Variants in CNBD1 observed in about 807,000 individuals in gnomAD.
The protein encoded by CNBD1 is cyclic nucleotide binding domain containing 1, also known as cyclic nucleotide-binding domain-containing protein 1.
In CNBD1, 71 loss-of-function variants were observed where a neutral mutation model predicts 54.4. The ratio of observed to expected loss-of-function variants is 1.30; its 90% CI spans 1.08 to 1.59. CNBD1 has a LOEUF of 1.59. Among genes scored for constraint, CNBD1 ranks in the 40% most tolerant of loss-of-function variants. The probability of loss-of-function intolerance (pLI) is 0.00; values close to 1 mark genes in which losing one functional copy is unlikely to be tolerated. For missense variants in CNBD1, 659 were observed against 518.0 expected (o/e 1.27, Z -2.64); for synonymous variants, 182 against 170.7 (o/e 1.07, Z -0.51).
chr8:87,360,089 C>G (rs1323820229), intron 10 of CNBD1, among the ~76,000 whole-genome samples: 1 of 151,904 alleles, frequency 6.6e-6, no homozygotes, highest in Non-Finnish European at 1.5e-5. Context: ...TGTAAAGATT[C>G]AGTTCATCTT....
chr8:87,425,481 G>A (rs1408391946), intron 2 of CNBD1, among the ~76,000 whole-genome samples: 12 of 152,158 alleles, frequency 7.9e-5, no homozygotes, highest in Non-Finnish European at 1.5e-4. Flanking sequence ...TGATGGTGAC[G>A]TACAGATGGG....
intron 1 of CNBD1, among the ~76,000 whole-genome samples, chr8:86,886,950 T>C (rs1808689290): frequency 6.6e-6 from 1 of 152,172 alleles, no homozygotes; most frequent in Admixed American, 6.5e-5. Flanking sequence ...GAATGACAAT[T>C]AGTTTGCTTT....
intron 4 of CNBD1, among the ~76,000 whole-genome samples, chr8:86,974,072 G>A (rs527506805): frequency 1.3e-5 from 2 of 152,090 alleles, no homozygotes; most frequent in South Asian, 4.1e-4. Flanking sequence ...GGAATGTTTT[G>A]TCCTGTAATT....
chr8:86,979,895 ATGT>A (rs1156771865), intron 4 of CNBD1, among the ~76,000 whole-genome samples: 1 of 152,196 alleles, frequency 6.6e-6, no homozygotes, highest in Non-Finnish European at 1.5e-5. Context: ...GATCCTTTCA[ATGT>A]TGTTGAAAAA....
intron 8 of CNBD1, among the ~76,000 whole-genome samples, chr8:87,313,572 G>A (rs1809315125): frequency 6.6e-6 from 1 of 151,878 alleles, no homozygotes; most frequent in Non-Finnish European, 1.5e-5. Context: ...ATATCATTTA[G>A]CAAACTGTCT....
In CNBD1 at chr8:86,867,427, C is replaced by T. The variant is rs538841569; in HGVS notation, c.88+844C>T. ...AAGAAGCTAAGCCATCCATCCTTTTCCCTTCCTGTGAAAGTTAATTTCTCC... is the reference window on the plus strand; with the variant it reads ...AAGAAGCTAAGCCATCCATCCTTTTTCCTTCCTGTGAAAGTTAATTTCTCC... On this transcript the variant is annotated intron_variant, in intron 1 of 10. Transcript: ENST00000518476. Among the ~76,000 whole-genome samples, 361 of 152,298 alleles carry T rather than the reference C, an allele frequency of 2.4e-3. 2 individuals are homozygous for T. The highest frequency in any genetic ancestry group is 3.2e-3 in the Non-Finnish European group (218 of 68,028).
intron 4 of CNBD1, among the ~76,000 whole-genome samples, chr8:87,066,572 A>C (rs1038635785): frequency 2.0e-5 from 3 of 151,958 alleles, no homozygotes; most frequent in Non-Finnish European, 4.4e-5. Context: ...CTCTTATTTT[A>C]GTTTTGGAAT....
chr8:87,375,298 G>C (rs926847696), intron 10 of CNBD1, among the ~76,000 whole-genome samples: 1 of 151,748 alleles, frequency 6.6e-6, no homozygotes, highest in Non-Finnish European at 1.5e-5. Flanking sequence ...AATGTCATAG[G>C]GTAAGCTGTG....
At chr8:87,301,190 A>G (rs1808981090) in intron 8 of CNBD1, among the ~76,000 whole-genome samples, 1 of 152,184 alleles carries the variant, frequency 6.6e-6, no homozygotes, top group African/African-American at 2.4e-5. Context: ...ACAAGCAGCA[A>G]GATTGAAATG....
chr8:87,003,113 A>G (rs1179025408), intron 4 of CNBD1, among the ~76,000 whole-genome samples: 4 of 152,188 alleles, frequency 2.6e-5, no homozygotes, highest in African/African-American at 4.8e-5. Context: ...AATGCTTGAA[A>G]ATAAAAGGAA....
chr8:87,005,161 A>T (rs1586192933), intron 4 of CNBD1, among the ~76,000 whole-genome samples: 1 of 151,936 alleles, frequency 6.6e-6, no homozygotes, highest in Admixed American at 6.6e-5. Flanking sequence ...AGGCGGGTGG[A>T]TCATGAGGTC....
At chr8:86,880,579 C>T (rs1004725925) in intron 1 of CNBD1, among the ~76,000 whole-genome samples, 1 of 152,022 alleles carries the variant, frequency 6.6e-6, no homozygotes, top group African/African-American at 2.4e-5. Context: ...ACCAACACCC[C>T]ATGGATATTG....
chr8:87,157,187 C>T (rs6995742), intron 4 of CNBD1, among the ~76,000 whole-genome samples: 3,200 of 152,284 alleles, frequency 0.021, 108 homozygotes, highest in African/African-American at 0.07. Context: ...TTACATACCA[C>T]TTGATTTCTA....
intron 1 of CNBD1, among the ~76,000 whole-genome samples, chr8:86,870,189 C>CCTTTTTTT (rs1554626453): frequency 1.1e-4 from 11 of 100,600 alleles, no homozygotes; most frequent in South Asian, 3.7e-4. Flanking sequence ...AGATAGTACT[C>CCTTTTTTT]TTTTTTTTTT....
At chr8:87,340,324 G>T (rs758583860) in intron 8 of CNBD1, among the ~76,000 whole-genome samples, 1 of 152,008 alleles carries the variant, frequency 6.6e-6, no homozygotes, top group Non-Finnish European at 1.5e-5. Flanking sequence ...TTTGACTTTT[G>T]ACAATTTGCC....
chr8:87,336,994 G>T (rs1312394754), intron 8 of CNBD1, among the ~76,000 whole-genome samples: 3 of 152,148 alleles, frequency 2.0e-5, no homozygotes, highest in African/African-American at 7.2e-5. Flanking sequence ...TTCACTTCAG[G>T]TCCTATTCAT....
chr8:87,338,807 C>T (rs1427385326), intron 8 of CNBD1, among the ~76,000 whole-genome samples: 1 of 151,836 alleles, frequency 6.6e-6, no homozygotes. Flanking sequence ...TGTAATTTTT[C>T]TTTGTAGCCT....
chr8:87,373,163 AT>A (rs1307811202), intron 10 of CNBD1, among the ~76,000 whole-genome samples: 2 of 151,666 alleles, frequency 1.3e-5, no homozygotes, highest in Non-Finnish European at 3.0e-5. Flanking sequence ...ATTGGCTCTT[AT>A]TTTTCTCTCA....
At chr8:87,023,763 G>C (rs955878168) in intron 4 of CNBD1, among the ~76,000 whole-genome samples, 1 of 152,096 alleles carries the variant, frequency 6.6e-6, no homozygotes, top group Non-Finnish European at 1.5e-5. Flanking sequence ...TGGATGTCTT[G>C]GCTTGCCAGA....
Sources: allele counts gnomAD v4.1 joint callset (sites outside exome capture counted in the v4.1 genomes callset), GRCh38; gene constraint gnomAD v4.1.1; transcripts MANE v1.5; gene names NCBI Gene and HGNC (gene_info 2026-07-23, HGNC 2026-07-21).